The following COL9A1 variants were observed in gnomAD, a reference collection of about 807,000 sequenced individuals.
The protein encoded by COL9A1 is collagen type IX alpha 1 chain, also known as collagen alpha-1(IX) chain.
A neutral mutation model predicts 142.6 loss-of-function variants in COL9A1; 104 were observed. The observed-to-expected ratio is 0.73, with a 90% CI of 0.62 to 0.86. The LOEUF (loss-of-function observed/expected upper bound fraction) is 0.86, where lower values mean the gene tolerates loss of function less well. COL9A1 is among the 40% of genes least tolerant of loss of function. COL9A1 has a pLI of 0.00. For missense variants in COL9A1, 1,210 were observed against 1,176.6 expected, an observed-to-expected ratio of 1.03 and a Z score of -0.42; for synonymous variants, 466 against 396.0, an observed-to-expected ratio of 1.18 and a Z score of -2.10.
At chr6:70,217,927 G>A (rs1386746419) in intron 37 of COL9A1, among the ~76,000 whole-genome samples, 2 of 152,140 alleles carry the variant, frequency 1.3e-5, no homozygotes, top group African/African-American at 2.4e-5. Flanking sequence ...GATCACCTGA[G>A]GTCAGGAGTT....
At chr6:70,280,733 C>T in intron 10 of COL9A1, 79 bp downstream of exon 10, 16 of 1,377,586 alleles carry the variant, frequency 1.2e-5, no homozygotes, top group South Asian at 2.5e-5. Context: ...CTCTCTCCCT[C>T]CCCCCCCACA....
intron 36 of COL9A1, among the ~76,000 whole-genome samples, chr6:70,228,750 T>C (rs1443087162): frequency 2.6e-5 from 4 of 152,142 alleles, no homozygotes; most frequent in African/African-American, 7.2e-5. Context: ...TTCAAAACAA[T>C]TTAAATTTAT....
chr6:70,258,878 A>G (rs1468894384), intron 20 of COL9A1, among the ~76,000 whole-genome samples: 4 of 152,196 alleles, frequency 2.6e-5, no homozygotes, highest in Non-Finnish European at 2.9e-5. Flanking sequence ...TTTCAAAGTG[A>G]GGGGTCACAT....
chr6:70,275,873 C>T (rs1772727896), intron 10 of COL9A1, among the ~76,000 whole-genome samples: 1 of 151,966 alleles, frequency 6.6e-6, no homozygotes, highest in Non-Finnish European at 1.5e-5. Context: ...AATATGAAAG[C>T]CCTACTTAAA....
rs9455005 is a variant in COL9A1 at position 70,217,245 on chromosome 6, A to G, written c.2582-164T>C. On this transcript the variant is annotated intron_variant, in intron 37 of 37. Transcript: ENST00000357250. Reference sequence around the variant, plus strand: ...TGGTGATGATGATGATGATGATGATAATAAGATCCCTTCCTTGGACTTGGG... The same window carrying G: ...TGGTGATGATGATGATGATGATGATGATAAGATCCCTTCCTTGGACTTGGG... 0.014 allele frequency among the ~76,000 whole-genome samples: 2,070 copies of G among 152,280 alleles called. 43 individuals are homozygous for G. Among genetic ancestry groups the G allele is most frequent in the African/African-American group, 0.044 (1,820 of 41,550 alleles).
intron 18 of COL9A1, 59 bp from the exon 19 acceptor site, chr6:70,263,356 A>T (rs1331496021): frequency 1.4e-6 from 2 of 1,466,582 alleles, no homozygotes; most frequent in African/African-American, 1.4e-5. Context: ...AAACGAACAT[A>T]GAAATAGGCT....
chr6:70,231,468 G>C (rs1222538538), intron 36 of COL9A1, among the ~76,000 whole-genome samples: 1 of 152,034 alleles, frequency 6.6e-6, no homozygotes, highest in Non-Finnish European at 1.5e-5. Flanking sequence ...TACTCTATTT[G>C]ATTTTGTCTA....
intron 5 of COL9A1, among the ~76,000 whole-genome samples, chr6:70,284,938 C>T (rs578227031): frequency 1.2e-4 from 18 of 152,256 alleles, no homozygotes; most frequent in Non-Finnish European, 1.8e-4. Flanking sequence ...TTGGAATCAT[C>T]CACAGTTGAG....
chr6:70,222,797 G>A (rs1768967767), intron 37 of COL9A1: 1 of 151,858 alleles, frequency 6.6e-6, no homozygotes, highest in Admixed American at 6.6e-5. Flanking sequence ...GAACAACAAA[G>A]AAGGTTGCAG....
chr6:70,294,242 C>T lies in COL9A1; in HGVS notation c.621G>A (p.Lys207=), dbSNP rs374217818. Reference sequence around the variant, plus strand: ...CATCAATGTCAATTGGGCCTCTTGGCTTTATAGGTAAAGATTCAATCCTGT... The same window carrying T: ...CATCAATGTCAATTGGGCCTCTTGGTTTTATAGGTAAAGATTCAATCCTGT... ...DCNRIESLPI[K]PRGPIDIDGF... The change falls in exon 5 of 38, where the codon AAG becomes AAA. Residue 207 remains lysine, a synonymous_variant. Coordinates refer to ENST00000357250, the MANE Select transcript of COL9A1 (RefSeq NM_001851.6). 8.7e-6 allele frequency: 14 copies of T among 1,613,930 alleles called. No homozygotes were observed. Among genetic ancestry groups the T allele is most frequent in the African/African-American group, 2.7e-5 (2 of 74,884 alleles).
In COL9A1 at chr6:70,271,667, A is replaced by C. The variant is rs755902289; in HGVS notation, c.1131T>G (p.Arg377=). ...GTAGLPGELG[R]VGPVGDPGRR... is the part of the protein sequence containing the mutation. ...CTGTGGTACTCACAACAGGTCCTACACGGCCAAGCTCTCCAGGGAGTCCTG... is the reference window on the plus strand; with the variant it reads ...CTGTGGTACTCACAACAGGTCCTACCCGGCCAAGCTCTCCAGGGAGTCCTG... Residue 377 remains arginine, a synonymous_variant, in exon 14 of 38, where the codon CGT becomes CGG. Transcript: ENST00000357250. 6 of 1,613,944 alleles carry C rather than the reference A, an allele frequency of 3.7e-6. No homozygotes were observed. The South Asian group carries it at 6.6e-5, about 18-fold the overall frequency.
At position 70,226,020 on chromosome 6, in the gene COL9A1, T is replaced by C. The variant is rs1385979333; in HGVS notation, c.2504-11A>G. On this transcript the variant is annotated splice_polypyrimidine_tract_variant and intron_variant, in intron 36 of 37. Transcript: ENST00000357250. ...TTTCTCCCAAGTCACCTGCATTACA[T>C]TAAAGAAATGTTATTTTTCTACATA... 2 of 1,605,396 alleles carry C rather than the reference T, an allele frequency of 1.2e-6. No individual in the cohort carries two copies. The highest frequency in any genetic ancestry group is 1.7e-6 in the Non-Finnish European group (2 of 1,172,656).
intron 5 of COL9A1, among the ~76,000 whole-genome samples, chr6:70,293,643 AC>A (rs1773737559): frequency 6.9e-6 from 1 of 145,750 alleles, no homozygotes; most frequent in Admixed American, 6.8e-5. Context: ...ACACACACAC[AC>A]ACACACACAC....
At chr6:70,257,048 A>ATTTT (rs542296705) in intron 20 of COL9A1, among the ~76,000 whole-genome samples, 11 of 105,020 alleles carry the variant, frequency 1.0e-4, no homozygotes, top group Non-Finnish European at 1.5e-4. Context: ...CCACTCTGTA[A>ATTTT]TTTTTTTTTT....
At position 70,245,597 on chromosome 6, in the gene COL9A1, G is replaced by A. The variant is rs568113145; in HGVS notation, c.1873-2882C>T. The stretch of plus-strand genomic sequence containing the variant: ...ATATTTATAAATCCCATGACAACAA[G>A]AGTTCCAATTTATAATAAAGGAATA... On this transcript the variant is annotated intron_variant, in intron 28 of 37. Coordinates refer to ENST00000357250, the MANE Select transcript of COL9A1 (RefSeq NM_001851.6). 3.9e-5 allele frequency: 6 copies of A among 152,208 alleles called. No individual in the cohort carries two copies. The East Asian group carries it at 1.2e-3, about 29-fold the overall frequency. 9.4% of individuals were successfully genotyped at this position (152,208 alleles called of 1,614,324 possible).
In COL9A1 at chr6:70,217,116, A is replaced by T. The variant is rs765545489; in HGVS notation, c.2582-35T>A. The stretch of plus-strand genomic sequence containing the variant: ...ACAGAAGATTGCACATGTGAACAGG[A>T]GAATCCTCATTGATGCAAACTGGCA... On this transcript the variant is annotated intron_variant, in intron 37 of 37. Coordinates refer to ENST00000357250, the MANE Select transcript of COL9A1 (RefSeq NM_001851.6). The T allele has an allele frequency of 1.9e-6, 3 of 1,610,290 alleles. No individual in the cohort carries two copies. In the East Asian group the frequency reaches 6.7e-5, roughly 36 times the overall value.
Position 70,256,790 on chromosome 6 carries a change from G to A in COL9A1, c.1481C>T (p.Pro494Leu), listed in dbSNP as rs769158574. The A allele has an allele frequency of 2.5e-6, 4 of 1,612,890 alleles. No individual in the cohort carries two copies. The African/African-American group carries it at 5.4e-5, about 22-fold the overall frequency. The part of the protein sequence containing the change: ...GARGLDGEPG[P>L]QGLPGAPGDQ... ...TACAGGTGCACCAGGAAGACCCTGA[G>A]GCCCAGGTTCACCATCTAAGCCCCG... The change falls in exon 21 of 38, where the codon CCT becomes CTT. Residue 494 changes from proline (P) to leucine (L), a missense_variant. Physicochemically the swap from Pro to Leu is moderately conservative, Grantham distance 98. Transcript: ENST00000357250.
intron 20 of COL9A1, chr6:70,258,468 C>G (rs1274271812): frequency 6.6e-6 from 1 of 152,196 alleles, no homozygotes; most frequent in Non-Finnish European, 1.5e-5. Context: ...AGGAACTCAA[C>G]TGAAGCAGAG....
chr6:70,292,413 G>T (rs898833560), intron 5 of COL9A1, among the ~76,000 whole-genome samples: 9 of 152,184 alleles, frequency 5.9e-5, no homozygotes, highest in Non-Finnish European at 1.0e-4. Context: ...TGTAAAACCA[G>T]CTGCCAGGTT....
Sources: gnomAD v4.1 joint callset for allele counts (sites outside exome capture counted in the v4.1 genomes callset) on GRCh38, gnomAD v4.1.1 for gene constraint, MANE v1.5 for transcripts, NCBI Gene and HGNC (gene_info 2026-07-23, HGNC 2026-07-21) for gene names.